CDH6: variants seen among roughly 807,000 people sequenced by gnomAD.
CDH6 encodes the protein cadherin 6.
CDH6 carries 31 observed loss-of-function variants against 78.0 expected under a neutral mutation model. The observed-to-expected ratio is 0.40, with a 90% CI of 0.30 to 0.54. The LOEUF is 0.54. Ranked by LOEUF, CDH6 falls within the 20% of genes least tolerant of loss-of-function variation. CDH6 has a pLI of 0.56. For missense variants in CDH6, 724 were observed against 975.9 expected (o/e 0.74, Z 3.44); for synonymous variants, 376 against 368.8 (o/e 1.02, Z -0.23).
At chr5:31,270,719 T>G (rs11958680) in intron 2 of CDH6, among the ~76,000 whole-genome samples, 51,098 of 151,662 alleles carry the variant, frequency 0.34, 9,632 homozygotes, top group East Asian at 0.52. Flanking sequence ...TTTTTTGAGC[T>G]GGGGTCTTGC....
chr5:31,278,359 G>A (rs1266070966), intron 2 of CDH6, among the ~76,000 whole-genome samples: 1 of 151,992 alleles, frequency 6.6e-6, no homozygotes, highest in African/African-American at 2.4e-5. Flanking sequence ...CAAAACAAGG[G>A]AACTAAAGAC....
intron 2 of CDH6, among the ~76,000 whole-genome samples, chr5:31,271,235 T>C (rs1010259274): frequency 6.6e-6 from 1 of 151,992 alleles, no homozygotes; most frequent in African/African-American, 2.4e-5. Context: ...CGTAGGATGG[T>C]GGAGTGAGGA....
chr5:31,212,691 G>A (rs182174646), intron 1 of CDH6, among the ~76,000 whole-genome samples: 32 of 152,082 alleles, frequency 2.1e-4, no homozygotes, highest in Non-Finnish European at 4.0e-4. Flanking sequence ...CCTTGTCCAC[G>A]GGGTAACGAC....
intron 1 of CDH6, among the ~76,000 whole-genome samples, chr5:31,206,323 G>C (rs1214619029): frequency 6.6e-6 from 1 of 152,016 alleles, no homozygotes; most frequent in Admixed American, 6.6e-5. Flanking sequence ...ATTTCTCAAG[G>C]CTTAAAAATA....
At chr5:31,292,843 A>ATG (rs1561061058) in intron 2 of CDH6, among the ~76,000 whole-genome samples, 1 of 13,080 alleles carries the variant, frequency 7.6e-5, no homozygotes, top group Non-Finnish European at 1.3e-4. Flanking sequence ...ATATATATAT[A>ATG]TATGTGTGCA....
intron 2 of CDH6, among the ~76,000 whole-genome samples, chr5:31,272,064 A>G (rs951697219): frequency 6.6e-6 from 1 of 152,196 alleles, no homozygotes; most frequent in Non-Finnish European, 1.5e-5. Context: ...TCAAAATAAA[A>G]AGGAGAAGAG....
In CDH6 at chr5:31,230,199, C is replaced by T. The variant is rs377447162; in HGVS notation, c.-129+36313C>T. 3.9e-5 allele frequency among the ~76,000 whole-genome samples: 6 copies of T among 152,276 alleles called. No homozygotes were observed. In the South Asian group the frequency reaches 1.2e-3, roughly 32 times the overall value. ...GCCTCTGAATTCCTGCAGGTTCTCA[C>T]TCAAGGTGATATTTAGGGTCTACCA... On this transcript the variant is annotated intron_variant, in intron 1 of 11. Coordinates refer to ENST00000265071, the MANE Select transcript of CDH6 (RefSeq NM_004932.4).
chr5:31,294,219 G>A lies in CDH6; in HGVS notation c.486G>A (p.Glu162=), dbSNP rs374761754. The change falls in exon 3 of 12, where the codon GAG becomes GAA. Residue 162 remains glutamate, a synonymous_variant. Transcript: ENST00000265071. This position sits in a 1 kb window ranked among gnomAD's most constrained non-coding sequence, Gnocchi z 4.1. ...INDNEPIFTK[E]VYTATVPEMS... is the part of the protein sequence containing the mutation. ...ACAATGAACCAATATTCACCAAGGA[G>A]GTTTACACAGCCACTGTCCCTGAAA... 4 of 1,613,818 alleles carry A rather than the reference G, an allele frequency of 2.5e-6. No homozygotes were observed. The highest frequency in any genetic ancestry group is 8.5e-7 in the Non-Finnish European group (1 of 1,179,868).
chr5:31,250,025 G>A (rs1196923637), intron 1 of CDH6: 2 of 152,282 alleles, frequency 1.3e-5, no homozygotes, highest in Non-Finnish European at 2.9e-5. Context: ...TACAGATGTG[G>A]TTTCGAAACC....
intron 1 of CDH6, among the ~76,000 whole-genome samples, chr5:31,199,436 GTATATATACACACACA>G (rs1740263235): frequency 2.7e-5 from 3 of 112,252 alleles, no homozygotes; most frequent in South Asian, 5.1e-4. Flanking sequence ...ACACATATGT[GTATATATACACACACA>G]TATGTGTATA....
intron 2 of CDH6, among the ~76,000 whole-genome samples, chr5:31,280,236 A>C (rs1742820146): frequency 6.6e-6 from 1 of 152,222 alleles, no homozygotes; most frequent in Admixed American, 6.5e-5. Flanking sequence ...CTTTTAGCAG[A>C]GTTTCATGGC....
chr5:31,302,789 AG>A (rs1737816039), intron 6 of CDH6, among the ~76,000 whole-genome samples: 40 of 87,324 alleles, frequency 4.6e-4, no homozygotes, highest in African/African-American at 1.4e-3. Flanking sequence ...AGAGAGAGAG[AG>A]AGAGAGAGAG....
intron 1 of CDH6, among the ~76,000 whole-genome samples, chr5:31,222,098 T>C (rs968008687): frequency 2.0e-5 from 3 of 152,196 alleles, no homozygotes; most frequent in Admixed American, 1.3e-4. Context: ...TAGGAAAGAC[T>C]TCCCTTCTAT....
At chr5:31,270,571 T>G (rs890357678) in intron 2 of CDH6, among the ~76,000 whole-genome samples, 1 of 152,206 alleles carries the variant, frequency 6.6e-6, no homozygotes, top group African/African-American at 2.4e-5. Context: ...TATAAATCAT[T>G]GAAAGGAATG....
intron 1 of CDH6, among the ~76,000 whole-genome samples, chr5:31,230,424 T>C (rs1451485423): frequency 6.6e-6 from 1 of 152,112 alleles, no homozygotes; most frequent in Non-Finnish European, 1.5e-5. Context: ...TCTGAGAGTA[T>C]GTATTAAAGT....
chr5:31,235,236 CTTTTT>C, intron 1 of CDH6, among the ~76,000 whole-genome samples: 1 of 110,644 alleles, frequency 9.0e-6, no homozygotes, highest in East Asian at 2.8e-4. Context: ...ATTCCTTTTT[CTTTTT>C]TTTTTTTTTT....
chr5:31,229,847 C>T (rs1304248139), intron 1 of CDH6, among the ~76,000 whole-genome samples: 4 of 152,140 alleles, frequency 2.6e-5, no homozygotes, highest in Non-Finnish European at 5.9e-5. Flanking sequence ...AGGCTTTTTG[C>T]CCTTGGTGAC....
At chr5:31,233,520 A>AAAAAC (rs77412304) in intron 1 of CDH6, among the ~76,000 whole-genome samples, 9,583 of 149,830 alleles carry the variant, frequency 0.064, 479 homozygotes, top group South Asian at 0.21. Flanking sequence ...GTCTCAAAAA[A>AAAAAC]AAAAAACAAA....
intron 1 of CDH6, among the ~76,000 whole-genome samples, chr5:31,209,467 A>C (rs1740631584): frequency 6.6e-6 from 1 of 152,200 alleles, no homozygotes; most frequent in Non-Finnish European, 1.5e-5. Flanking sequence ...AGAGAGTTAA[A>C]AAATTTTCAG....
Sources: gnomAD v4.1 joint callset for allele counts (sites outside exome capture counted in the v4.1 genomes callset) on GRCh38, gnomAD v4.1.1 for gene constraint, Gnocchi (gnomAD v3.1) non-coding constraint, MANE v1.5 for transcripts, NCBI Gene and HGNC (gene_info 2026-07-23, HGNC 2026-07-21) for gene names.